CDKAL1: variants seen among roughly 807,000 people sequenced by gnomAD.
CDKAL1 encodes threonylcarbamoyladenosine tRNA methylthiotransferase.
A neutral mutation model predicts 68.2 loss-of-function variants in CDKAL1; 32 were observed. The observed-to-expected ratio is 0.47, with a 90% CI of 0.35 to 0.63. The LOEUF is 0.63. Among genes scored for constraint, CDKAL1 ranks in the 30% least tolerant of loss-of-function variants. CDKAL1 has a pLI of 0.00. For missense variants in CDKAL1, 606 were observed against 696.7 expected (o/e 0.87, Z 1.47); for synonymous variants, 234 against 244.3 (o/e 0.96, Z 0.39).
chr6:20,695,098 C>T (rs1771052591), intron 5 of CDKAL1, among the ~76,000 whole-genome samples: 2 of 152,036 alleles, frequency 1.3e-5, no homozygotes, highest in South Asian at 4.2e-4. Flanking sequence ...CTGAGACAGT[C>T]CCTATTTAAT....
At position 20,848,284 on chromosome 6, in the gene CDKAL1, T is replaced by TTTGGTTTTTTTGG. The variant is rs1235512539; in HGVS notation, c.742+2108_742+2109insGGTTTTTTTGGTT. Among the ~76,000 whole-genome samples, 65 of 29,188 alleles carry TTTGGTTTTTTTGG rather than the reference T, an allele frequency of 2.2e-3. 1 individual carries two copies. Among genetic ancestry groups the TTTGGTTTTTTTGG allele is most frequent in the Middle Eastern group, 0.022 (1 of 46 alleles). 19.1% of individuals were successfully genotyped at this position (29,188 alleles called of 152,430 possible). ...TTGTTACTTGCTGGAAAGTTGTTTT[T>TTTGGTTTTTTTGG]TTTTTTTTTCCAATTTAGTTCTAGG... On this transcript the variant is annotated intron_variant, in intron 9 of 15. Coordinates refer to ENST00000274695, the MANE Select transcript of CDKAL1 (RefSeq NM_017774.3).
intron 4 of CDKAL1, among the ~76,000 whole-genome samples, chr6:20,557,887 A>G (rs1056477418): frequency 5.9e-5 from 9 of 152,190 alleles, no homozygotes; most frequent in African/African-American, 2.2e-4. Flanking sequence ...TGATCACACC[A>G]CTGCACTCCA....
intron 10 of CDKAL1, among the ~76,000 whole-genome samples, chr6:20,991,359 C>T (rs144605841): frequency 0.012 from 1,893 of 152,072 alleles, 22 homozygotes; most frequent in Middle Eastern, 0.024. Flanking sequence ...GGTGGTTTGT[C>T]CAACATTGAC....
chr6:20,881,332 A>G (rs1760805755), intron 9 of CDKAL1, among the ~76,000 whole-genome samples: 1 of 152,118 alleles, frequency 6.6e-6, no homozygotes, highest in Non-Finnish European at 1.5e-5. Flanking sequence ...CTTTGCTTTC[A>G]CCTTTGATTT....
chr6:20,557,004 C>G (rs80033696), intron 4 of CDKAL1, among the ~76,000 whole-genome samples: 2 of 145,094 alleles, frequency 1.4e-5, no homozygotes, highest in African/African-American at 5.0e-5. Flanking sequence ...TGCCACTGTA[C>G]TCCAGCCTGG....
At position 20,700,355 on chromosome 6, in the gene CDKAL1, CAAAA is replaced by C. The variant is rs111802988; in HGVS notation, c.372-39150_372-39147del. Among the ~76,000 whole-genome samples, 58 of 130,040 alleles carry C rather than the reference CAAAA, an allele frequency of 4.5e-4. 1 individual carries two copies. The highest frequency in any genetic ancestry group is 1.5e-3 in the African/African-American group (55 of 36,370). 85.3% of individuals were successfully genotyped at this position (130,040 alleles called of 152,430 possible). ...GGGCAACAAGAGTGAAACTCCATCT[CAAAA>C]AAAAAAAAAAAAATAAATAAAAGTT... On this transcript the variant is annotated intron_variant, in intron 5 of 15. Coordinates refer to ENST00000274695, the MANE Select transcript of CDKAL1 (RefSeq NM_017774.3).
chr6:20,603,741 C>T (rs1344611168), intron 4 of CDKAL1, among the ~76,000 whole-genome samples: 1 of 137,104 alleles, frequency 7.3e-6, no homozygotes, highest in Non-Finnish European at 1.6e-5. Context: ...GGACAAAGAT[C>T]TACATTGATT....
chr6:21,195,701 G>A (rs1162760765), intron 13 of CDKAL1, among the ~76,000 whole-genome samples: 1 of 151,208 alleles, frequency 6.6e-6, no homozygotes, highest in Non-Finnish European at 1.5e-5. Context: ...TATAGAGACG[G>A]GGTTTTGCCA....
At chr6:20,905,630 C>T (rs9465931) in intron 9 of CDKAL1, among the ~76,000 whole-genome samples, 89,350 of 151,936 alleles carry the variant, frequency 0.59, 26,276 homozygotes, top group Middle Eastern at 0.65. Flanking sequence ...AGACCCACAT[C>T]GAGACACATT....
chr6:20,811,919 T>TA (rs1477828630), intron 8 of CDKAL1, among the ~76,000 whole-genome samples: 2 of 152,190 alleles, frequency 1.3e-5, no homozygotes, highest in African/African-American at 4.8e-5. Context: ...TGTTTCTTTT[T>TA]ACATCCCTTT....
intron 12 of CDKAL1, among the ~76,000 whole-genome samples, chr6:21,091,946 G>A (rs1773038603): frequency 7.4e-6 from 1 of 135,114 alleles, no homozygotes; most frequent in South Asian, 2.4e-4. Flanking sequence ...GAGTGCAGTG[G>A]CGTGATCTCG....
intron 4 of CDKAL1, among the ~76,000 whole-genome samples, chr6:20,616,440 A>C (rs922741234): frequency 2.1e-5 from 3 of 140,822 alleles, no homozygotes; most frequent in Non-Finnish European, 3.1e-5. Flanking sequence ...ATTTGTTTGT[A>C]TCCTCTTTTA....
At chr6:21,122,620 TTTTATTTATTTATTTA>T (rs80146010) in intron 13 of CDKAL1, among the ~76,000 whole-genome samples, 3 of 148,942 alleles carry the variant, frequency 2.0e-5, no homozygotes, top group African/African-American at 5.0e-5. Context: ...TGTTACTGTA[TTTTATTTATTTATTTA>T]TTTATTTATT....
intron 9 of CDKAL1, among the ~76,000 whole-genome samples, chr6:20,881,301 C>G (rs555113383): frequency 6.6e-6 from 1 of 152,292 alleles, no homozygotes; most frequent in East Asian, 1.9e-4. Context: ...GGACTACACT[C>G]CAAGAAACAC....
At chr6:21,007,509 A>ATG (rs750203076) in intron 11 of CDKAL1, among the ~76,000 whole-genome samples, 24 of 116,738 alleles carry the variant, frequency 2.1e-4, no homozygotes, top group African/African-American at 7.7e-4. Context: ...AAAAAAAAAA[A>ATG]GCCCACAATG....
chr6:20,958,579 A>T (rs1764899951), intron 10 of CDKAL1, among the ~76,000 whole-genome samples: 1 of 152,250 alleles, frequency 6.6e-6, no homozygotes, highest in South Asian at 2.1e-4. Context: ...AGGGTACTGA[A>T]CAGAGTTCAC....
chr6:20,763,798 A>G lies in CDKAL1; in HGVS notation c.517+5155A>G, dbSNP rs554290461. On this transcript the variant is annotated intron_variant, in intron 7 of 15. Transcript: ENST00000274695. ...AGCTTGTTTTCATTTATCTGTCTTG[A>G]TTGTATCAAAATGGCAAATTCTTGA... Among the ~76,000 whole-genome samples, 6 of 152,316 alleles carry G rather than the reference A, an allele frequency of 3.9e-5. No homozygotes were observed. The South Asian group carries it at 8.3e-4, about 21-fold the overall frequency.
At chr6:20,552,060 G>T (rs1433412574) in intron 4 of CDKAL1, among the ~76,000 whole-genome samples, 7 of 151,768 alleles carry the variant, frequency 4.6e-5, no homozygotes, top group Non-Finnish European at 1.0e-4. Context: ...AAAAGGCTGG[G>T]TGTGTTGGCT....
At position 20,566,387 on chromosome 6, in the gene CDKAL1, T is replaced by C. The variant is rs558481610; in HGVS notation, c.286+17682T>C. Among the ~76,000 whole-genome samples the C allele has an allele frequency of 4.6e-5, 7 of 152,256 alleles. No homozygotes were observed. The South Asian group carries it at 1.2e-3, about 27-fold the overall frequency. ...TTGGTTGAATATGCTTGTTAGTCCA[T>C]AGTGCCACTCACTAGTCTGTGTCAA... On this transcript the variant is annotated intron_variant, in intron 4 of 15. Transcript: ENST00000274695.
Sources: allele counts gnomAD v4.1 joint callset (sites outside exome capture counted in the v4.1 genomes callset), GRCh38; gene constraint gnomAD v4.1.1; transcripts MANE v1.5; gene names NCBI Gene and HGNC (gene_info 2026-07-23, HGNC 2026-07-21).